SPAG17: variants seen among roughly 807,000 people sequenced by gnomAD.
The protein encoded by SPAG17 is sperm-associated antigen 17.
A neutral mutation model predicts 273.6 loss-of-function variants in SPAG17; 169 were observed. That is an observed-to-expected ratio of 0.62 (90% CI 0.55 to 0.70). The LOEUF (loss-of-function observed/expected upper bound fraction) is 0.70. Among genes scored for constraint, SPAG17 ranks in the 30% least tolerant of loss-of-function variants. SPAG17 has a pLI of 0.00. For missense variants in SPAG17, 2,557 were observed against 2,627.8 expected (o/e 0.97, Z 0.59); for synonymous variants, 825 against 873.2 (o/e 0.94, Z 0.97).
At chr1:118,123,271 C>T (rs1057020314) in intron 3 of SPAG17, among the ~76,000 whole-genome samples, 52 of 152,002 alleles carry the variant, frequency 3.4e-4, no homozygotes, top group African/African-American at 1.1e-3. Context: ...TGTGTCTAGT[C>T]TATCCAATTC....
Position 118,086,702 on chromosome 1 carries a change from T to G in SPAG17, c.1580A>C (p.Asp527Ala). 1 of 1,614,196 alleles carries G rather than the reference T, an allele frequency of 6.2e-7. No homozygotes were observed. Among genetic ancestry groups the G allele is most frequent in the Non-Finnish European group, 8.5e-7 (1 of 1,180,020 alleles). ...TGCGTACTTCTTGTGGGCGTGTGCATCATGATAGTTCAGTAGGAGGGGGCC... is the reference window on the plus strand; with the variant it reads ...TGCGTACTTCTTGTGGGCGTGTGCAGCATGATAGTTCAGTAGGAGGGGGCC... The part of the protein sequence containing the change: ...PKGPLLLNYH[D>A]AHAHKKYALQ... The change falls in exon 12 of 49, where the codon GAT (aspartate) becomes GCT (alanine). Residue 527 changes from aspartate to alanine, a missense_variant. Transcript: ENST00000336338.
intron 17 of SPAG17, among the ~76,000 whole-genome samples, chr1:118,067,263 A>G (rs1027330204): frequency 6.6e-6 from 1 of 152,220 alleles, no homozygotes; most frequent in Non-Finnish European, 1.5e-5. Flanking sequence ...AAAACTCCAC[A>G]TAAATAGATG....
chr1:118,106,104 G>C (rs1656380303), intron 4 of SPAG17, among the ~76,000 whole-genome samples: 2 of 152,152 alleles, frequency 1.3e-5, no homozygotes, highest in African/African-American at 4.8e-5. Context: ...TTTGTCTACA[G>C]GGAGAAAACT....
intron 13 of SPAG17, among the ~76,000 whole-genome samples, chr1:118,083,959 G>A (rs1654800483): frequency 6.6e-6 from 1 of 152,122 alleles, no homozygotes; most frequent in Non-Finnish European, 1.5e-5. Flanking sequence ...AAGAGGAAGA[G>A]GGGAGGAGCA....
chr1:117,960,897 G>A (rs1652989625), intron 48 of SPAG17: 1 of 152,112 alleles, frequency 6.6e-6, no homozygotes, highest in Non-Finnish European at 1.5e-5. Context: ...TATATTTTGT[G>A]CATTCATGAT....
At chr1:118,075,916 T>G (rs1654044654) in intron 15 of SPAG17, among the ~76,000 whole-genome samples, 2 of 152,134 alleles carry the variant, frequency 1.3e-5, no homozygotes, top group Admixed American at 1.3e-4. Context: ...TCCTCTGCTT[T>G]GTTTGTTTTT....
intron 18 of SPAG17, among the ~76,000 whole-genome samples, chr1:118,064,374 G>T (rs1030077084): frequency 1.3e-5 from 2 of 151,248 alleles, no homozygotes; most frequent in African/African-American, 4.9e-5. Flanking sequence ...AAGAAAATGT[G>T]GCACATATAC....
intron 7 of SPAG17, among the ~76,000 whole-genome samples, chr1:118,094,172 A>T (rs946140982): frequency 1.3e-5 from 2 of 152,152 alleles, no homozygotes; most frequent in African/African-American, 4.8e-5. Flanking sequence ...TCCCACTAAG[A>T]CCAAGGCTTC....
intron 1 of SPAG17, among the ~76,000 whole-genome samples, chr1:118,172,625 T>G (rs1010617028): frequency 1.3e-5 from 2 of 152,202 alleles, no homozygotes; most frequent in Admixed American, 1.3e-4. Context: ...ACCTATAAGA[T>G]GTCTAAAGAA....
chr1:118,165,821 T>A (rs1478210714), intron 1 of SPAG17, among the ~76,000 whole-genome samples: 1 of 151,910 alleles, frequency 6.6e-6, no homozygotes, highest in Non-Finnish European at 1.5e-5. Flanking sequence ...AATTTTGTAT[T>A]TTTTGTAGAG....
At chr1:118,087,851 G>C (rs551273197) in intron 10 of SPAG17, among the ~76,000 whole-genome samples, 1 of 152,142 alleles carries the variant, frequency 6.6e-6, no homozygotes, top group Admixed American at 6.6e-5. Flanking sequence ...TACTTGTTGT[G>C]GGGGGTTGTC....
intron 40 of SPAG17, among the ~76,000 whole-genome samples, chr1:117,986,091 T>G (rs1656372313): frequency 6.6e-6 from 1 of 152,196 alleles, no homozygotes; most frequent in Admixed American, 6.5e-5. Flanking sequence ...GTAATCAAAT[T>G]GTAACTGACT....
At chr1:118,132,674 C>T (rs761880599) in intron 3 of SPAG17, among the ~76,000 whole-genome samples, 2 of 152,222 alleles carry the variant, frequency 1.3e-5, no homozygotes, top group African/African-American at 2.4e-5. Context: ...CTAATTTAGA[C>T]AGAGGCTGTA....
At chr1:118,059,667 T>C (rs1652074673) in intron 18 of SPAG17, among the ~76,000 whole-genome samples, 1 of 152,148 alleles carries the variant, frequency 6.6e-6, no homozygotes, top group Non-Finnish European at 1.5e-5. Flanking sequence ...CTTGTCATTA[T>C]ATAATGATGT....
intron 15 of SPAG17, among the ~76,000 whole-genome samples, chr1:118,075,145 T>A (rs1330776054): frequency 6.6e-6 from 1 of 152,232 alleles, no homozygotes; most frequent in Non-Finnish European, 1.5e-5. Context: ...TAATCATTTA[T>A]TAACTTAAAA....
intron 48 of SPAG17, chr1:117,959,672 T>G (rs988846087): frequency 1.6e-5 from 6 of 376,842 alleles, no homozygotes; most frequent in Non-Finnish European, 2.8e-5. Context: ...TAAAAATCTT[T>G]CTGTGCTCTC....
intron 3 of SPAG17, among the ~76,000 whole-genome samples, chr1:118,133,826 G>A (rs975369149): frequency 6.6e-6 from 1 of 152,124 alleles, no homozygotes; most frequent in Non-Finnish European, 1.5e-5. Context: ...ATTACTTAAA[G>A]GAAATATTCC....
At position 118,034,941 on chromosome 1, in the gene SPAG17, G is replaced by T. The variant is rs1349715307; in HGVS notation, c.3433+1829C>A. On this transcript the variant is annotated intron_variant, in intron 24 of 48. Transcript: ENST00000336338. ...AAGTAATGTCCAAAGATTTGATTGG[G>T]TTTCTTTATATTTTTGCCTATTTCA... 2.0e-5 allele frequency among the ~76,000 whole-genome samples: 3 copies of T among 152,064 alleles called. No homozygotes were observed. The East Asian group carries it at 5.8e-4, about 29-fold the overall frequency.
chr1:118,061,340 T>C (rs1305129604), intron 18 of SPAG17, among the ~76,000 whole-genome samples: 3 of 152,192 alleles, frequency 2.0e-5, no homozygotes, highest in African/African-American at 4.8e-5. Context: ...GTGGTATATA[T>C]GATAGAATAG....
Sources: gnomAD v4.1 joint callset for allele counts (sites outside exome capture counted in the v4.1 genomes callset) on GRCh38, gnomAD v4.1.1 for gene constraint, MANE v1.5 for transcripts, NCBI Gene and HGNC (gene_info 2026-07-23, HGNC 2026-07-21) for gene names.